BRD3: variants seen among roughly 807,000 people sequenced by gnomAD.
BRD3 encodes the protein bromodomain-containing protein 3.
Under a neutral mutation model 66.8 loss-of-function variants are expected in BRD3, and 17 were observed. The observed-to-expected ratio is 0.25, with a 90% confidence interval of 0.17 to 0.38. BRD3 has a LOEUF of 0.38. Among genes scored for constraint, BRD3 ranks in the 10% least tolerant of loss-of-function variants. The probability of loss-of-function intolerance (pLI) is 1.00; values close to 1 mark genes in which losing one functional copy is unlikely to be tolerated. For missense variants in BRD3, 713 were observed against 956.1 expected, an observed-to-expected ratio of 0.75 and a Z score of 3.35; for synonymous variants, 421 against 393.2, an observed-to-expected ratio of 1.07 and a Z score of -0.84.
intron 8 of BRD3, among the ~76,000 whole-genome samples, chr9:134,040,994 C>T (rs1001602586): frequency 6.6e-6 from 1 of 152,194 alleles, no homozygotes; most frequent in Admixed American, 6.5e-5. Context: ...GCAAGGAAGA[C>T]AGAGGGCGGG....
chr9:134,059,251 C>T lies in BRD3; in HGVS notation c.-113-5661G>A, dbSNP rs13292940. 8.2e-3 allele frequency among the ~76,000 whole-genome samples: 1,256 copies of T among 152,332 alleles called. 12 individuals are homozygous for T. The highest frequency in any genetic ancestry group is 0.017 in the African/African-American group (704 of 41,568). On this transcript the variant is annotated intron_variant, in intron 1 of 11. Coordinates refer to ENST00000303407, the MANE Select transcript of BRD3 (RefSeq NM_007371.4). ...AGAGGGAAGAGGGTGCACCTCCCTT[C>T]TCCCCGGGCCCCCAGCACCCCGTTC...
intron 9 of BRD3, 93 bp downstream of exon 9, chr9:134,039,941 C>A: frequency 6.7e-7 from 1 of 1,489,980 alleles, no homozygotes; most frequent in Non-Finnish European, 8.9e-7. Context: ...GTGGCCAAGG[C>A]ACAAAGCCCC....
intron 7 of BRD3, among the ~76,000 whole-genome samples, chr9:134,042,965 G>A (rs1389081110): frequency 6.6e-6 from 1 of 152,002 alleles, no homozygotes; most frequent in Admixed American, 6.6e-5. Flanking sequence ...TCAGCCTCCT[G>A]AGTAGCTGGG....
chr9:134,051,628 C>G lies in BRD3; in HGVS notation c.433G>C (p.Val145Leu). 1 of 1,588,926 alleles carries G rather than the reference C, an allele frequency of 6.3e-7. No homozygotes were observed. The highest frequency in any genetic ancestry group is 8.5e-7 in the Non-Finnish European group (1 of 1,171,968). ...TTTGGAGCAGGGGGTAATAATTCAACTTCCTCTTGGGGCATCTGGGCCACT... is the reference window on the plus strand; with the variant it reads ...TTTGGAGCAGGGGGTAATAATTCAAGTTCCTCTTGGGGCATCTGGGCCACT... ...QKVAQMPQEE[V>L]ELLPPAPKGK... Residue 145 changes from valine to leucine, a missense_variant, in exon 4 of 12, where the codon GTT (valine) becomes CTT (leucine). Transcript: ENST00000303407.
rs1172083863 is a variant in BRD3 at position 134,051,876 on chromosome 9, TG to T, written c.352-168del. Reference sequence around the variant, plus strand: ...GTGTGTGTGTGTGTGTGTGTGTGTGTGTTGTTTTTTTTGTTTTTTTTTTTTT... The same window carrying T: ...GTGTGTGTGTGTGTGTGTGTGTGTGTTTGTTTTTTTTGTTTTTTTTTTTTT... On this transcript the variant is annotated intron_variant, in intron 3 of 11. Coordinates refer to ENST00000303407, the MANE Select transcript of BRD3 (RefSeq NM_007371.4). Among the ~76,000 whole-genome samples, 537 of 88,680 alleles carry T rather than the reference TG, an allele frequency of 6.1e-3. 4 individuals are homozygous for T. Among genetic ancestry groups the T allele is most frequent in the East Asian group, 0.02 (47 of 2,404 alleles). 58.2% of individuals were successfully genotyped at this position (88,680 alleles called of 152,430 possible). A position where few individuals can be genotyped will look rare whatever the true frequency, so the allele number is the denominator to read the frequency against.
rs1830152026 is a variant in BRD3 at position 134,045,686 on chromosome 9, T to C, written c.1087-265A>G. ...TCTCCTGATTGGAAGAAAAATGCAC[T>C]CAACAAGAAATCCCAGGTTCCCGTA... On this transcript the variant is annotated intron_variant, in intron 6 of 11. Transcript: ENST00000303407. This position sits in a 1 kb window ranked among gnomAD's most constrained non-coding sequence, Gnocchi z 4.8. Among the ~76,000 whole-genome samples the C allele has an allele frequency of 6.6e-6, 1 of 152,112 alleles. No homozygotes were observed. The highest frequency in any genetic ancestry group is 1.5e-5 in the Non-Finnish European group (1 of 68,014).
intron 7 of BRD3, 62 bp from the exon 8 acceptor site, chr9:134,042,013 G>A: frequency 3.4e-6 from 5 of 1,463,902 alleles, no homozygotes; most frequent in Non-Finnish European, 4.5e-6. Context: ...CCTTGGTGTG[G>A]GCCCTCAGGG....
At chr9:134,064,315 G>A (rs553343961) in intron 1 of BRD3, among the ~76,000 whole-genome samples, 1 of 152,030 alleles carries the variant, frequency 6.6e-6, no homozygotes, top group Non-Finnish European at 1.5e-5. Context: ...ATCACCTGAG[G>A]TCAGGAGTTC....
intron 2 of BRD3, 56 bp downstream of exon 2, chr9:134,053,209 G>C: frequency 1.9e-6 from 3 of 1,580,248 alleles, no homozygotes; most frequent in Non-Finnish European, 2.6e-6. Context: ...CAGCAGGAGG[G>C]GGACAGAGGA....
chr9:134,066,116 G>C (rs983461294), intron 1 of BRD3, among the ~76,000 whole-genome samples: 7 of 152,178 alleles, frequency 4.6e-5, no homozygotes, highest in African/African-American at 1.7e-4. Context: ...GAAAGCTTTT[G>C]AAATCCCTCC....
chr9:134,043,960 A>G (rs550443482), intron 7 of BRD3, among the ~76,000 whole-genome samples: 57 of 152,316 alleles, frequency 3.7e-4, no homozygotes, highest in African/African-American at 1.4e-3. Flanking sequence ...CGTGAGCACC[A>G]TGTCTATCCA....
At chr9:134,062,079 G>C (rs1830554835) in intron 1 of BRD3, among the ~76,000 whole-genome samples, 1 of 152,208 alleles carries the variant, frequency 6.6e-6, no homozygotes, top group Non-Finnish European at 1.5e-5. Context: ...TCCTTCTATG[G>C]AGCCAGGGGA....
At chr9:134,051,477 A>G in intron 4 of BRD3, 85 bp downstream of exon 4, 1 of 1,362,056 alleles carries the variant, frequency 7.3e-7, no homozygotes, top group Non-Finnish European at 9.6e-7. Flanking sequence ...AACAGCTCAG[A>G]TGGCTAAAGG....
chr9:134,047,449 C>T (rs973699331), intron 6 of BRD3, among the ~76,000 whole-genome samples: 3 of 152,184 alleles, frequency 2.0e-5, no homozygotes, highest in African/African-American at 7.2e-5. Flanking sequence ...TGGGGCGGTG[C>T]AGCTCAAATG....
At chr9:134,052,252 G>A in intron 3 of BRD3, 54 bp downstream of exon 3, 1 of 1,599,130 alleles carries the variant, frequency 6.3e-7, no homozygotes. Flanking sequence ...CCACTGCGTT[G>A]CACAGCGCCC....
rs766954386 is a variant in BRD3, at chr9:134,041,356, C to T, written c.1407+404G>A. 1.7e-4 allele frequency among the ~76,000 whole-genome samples: 26 copies of T among 152,270 alleles called. No individual in the cohort carries two copies. In the Middle Eastern group the frequency reaches 0.01, roughly 60 times the overall value. ...GCGGGACTGGGGCTGGGCAGCTGCA[C>T]GGCAGGGCCCTCAGGACCCTGGAGC... is the stretch of plus-strand genomic sequence containing the variant. On this transcript the variant is annotated intron_variant, in intron 8 of 11. Transcript: ENST00000303407.
In BRD3 at chr9:134,032,011, G is replaced by A. The variant is rs145262108; in HGVS notation, c.*1579C>T. The A allele has an allele frequency of 1.3e-3, 271 of 216,528 alleles. No homozygotes were observed. Among genetic ancestry groups the A allele is most frequent in the African/African-American group, 5.7e-3 (255 of 44,440 alleles). The allele number at this position is 216,528 out of a possible 1,614,324, so 13.4% of individuals were successfully genotyped here. ...ACCCCTGGGGAGGGCAGACAGGCTC[G>A]GGAGGGCCTGGCCAGGCCACTGGAG... is the stretch of plus-strand genomic sequence containing the variant. On this transcript the variant is annotated 3_prime_UTR_variant, in exon 12 of 12. Transcript: ENST00000303407.
At chr9:134,066,796 G>A (rs956684519) in intron 1 of BRD3, among the ~76,000 whole-genome samples, 6 of 152,180 alleles carry the variant, frequency 3.9e-5, no homozygotes, top group Non-Finnish European at 8.8e-5. Flanking sequence ...TTAATGTAAG[G>A]GGGAGAAATC....
intron 9 of BRD3, chr9:134,036,603 T>C: frequency 6.2e-7 from 1 of 1,602,112 alleles, no homozygotes; most frequent in Non-Finnish European, 8.5e-7. Flanking sequence ...TGTATTCAGG[T>C]AATCCAAAAG....
Sources: allele counts gnomAD v4.1 joint callset (sites outside exome capture counted in the v4.1 genomes callset), GRCh38; gene constraint gnomAD v4.1.1; non-coding constraint Gnocchi (gnomAD v3.1); transcripts MANE v1.5; gene names NCBI Gene and HGNC (gene_info 2026-07-23, HGNC 2026-07-21).